The following NFKB1 variants were observed in gnomAD, a reference collection of about 807,000 sequenced individuals.
NFKB1 encodes nuclear factor kappa B subunit 1.
A neutral mutation model predicts 105.1 loss-of-function variants in NFKB1; 9 were observed. The observed-to-expected ratio is 0.09, with a 90% confidence interval of 0.05 to 0.15. NFKB1 has a LOEUF of 0.15. NFKB1 is among the 10% of genes least tolerant of loss of function. NFKB1 has a pLI of 1.00. For synonymous variants in NFKB1, 440 were observed against 442.2 expected (o/e 1.00, Z 0.06); for missense variants, 830 against 1,203.7 (o/e 0.69, Z 4.59).
chr4:102,582,757 A>G, intron 9 of NFKB1, 109 bp from the exon 10 acceptor site: 1 of 600,952 alleles, frequency 1.7e-6, no homozygotes, highest in South Asian at 3.3e-5. Context: ...GTTTTTTAAA[A>G]GTGTAAATAG....
chr4:102,514,174 CA>C (rs1001257754), intron 1 of NFKB1, among the ~76,000 whole-genome samples: 57 of 136,488 alleles, frequency 4.2e-4, no homozygotes, highest in African/African-American at 4.3e-4. Context: ...GACTCCATCT[CA>C]AAAAAAAAAA....
intron 4 of NFKB1, among the ~76,000 whole-genome samples, chr4:102,536,696 A>AC (rs1382300509): frequency 2.6e-5 from 4 of 152,008 alleles, no homozygotes; most frequent in African/African-American, 4.8e-5. Flanking sequence ...AAGGGAGTGA[A>AC]CCCCCACCAG....
At chr4:102,544,715 A>G (rs184294380) in intron 5 of NFKB1, among the ~76,000 whole-genome samples, 26 of 152,316 alleles carry the variant, frequency 1.7e-4, no homozygotes, top group African/African-American at 6.3e-4. Flanking sequence ...AATCCGCTGT[A>G]TATATTCAAA....
intron 4 of NFKB1, among the ~76,000 whole-genome samples, chr4:102,536,793 A>C (rs1262030620): frequency 6.6e-6 from 1 of 152,128 alleles, no homozygotes; most frequent in East Asian, 1.9e-4. Flanking sequence ...AAAGGTGAGA[A>C]TGTTCCTTAA....
At chr4:102,575,611 G>C (rs938206915) in intron 6 of NFKB1, among the ~76,000 whole-genome samples, 19 of 152,074 alleles carry the variant, frequency 1.2e-4, no homozygotes, top group Non-Finnish European at 2.8e-4. Context: ...CAGGAATTTT[G>C]TACTTACTGT....
intron 5 of NFKB1, among the ~76,000 whole-genome samples, chr4:102,545,790 A>G (rs1350022239): frequency 6.6e-6 from 1 of 152,148 alleles, no homozygotes; most frequent in Non-Finnish European, 1.5e-5. Context: ...CAATAATTCT[A>G]TGACAGTTTC....
chr4:102,542,633 T>C (rs1742080904), intron 5 of NFKB1, among the ~76,000 whole-genome samples: 1 of 152,210 alleles, frequency 6.6e-6, no homozygotes. Flanking sequence ...CCAAGATGTT[T>C]TTATATTTTT....
chr4:102,612,012 A>G (rs758193220), intron 20 of NFKB1, 32 bp from the exon 21 acceptor site: 3 of 1,585,516 alleles, frequency 1.9e-6, no homozygotes, highest in Non-Finnish European at 2.6e-6. Context: ...CCTTCGATGT[A>G]TAACGATTTC....
At chr4:102,506,712 G>A (rs1412180732) in intron 1 of NFKB1, among the ~76,000 whole-genome samples, 1 of 152,060 alleles carries the variant, frequency 6.6e-6, no homozygotes, top group African/African-American at 2.4e-5. Context: ...TGCCCCCTGG[G>A]AACCCTAATG....
intron 16 of NFKB1, among the ~76,000 whole-genome samples, chr4:102,602,849 G>T (rs1727315016): frequency 6.6e-6 from 1 of 152,108 alleles, no homozygotes; most frequent in Admixed American, 6.5e-5. Context: ...CCGTTTTGGG[G>T]TCATTGGTAT....
Position 102,529,886 on chromosome 4 carries a change from A to G in NFKB1, c.90A>G (p.Val30=). 1 of 1,610,816 alleles carries G rather than the reference A, an allele frequency of 6.2e-7. No homozygotes were observed. Among genetic ancestry groups the G allele is most frequent in the South Asian group, 1.1e-5 (1 of 90,792 alleles). Residue 30 remains valine (V), a synonymous_variant, in exon 3 of 24, where the codon GTA becomes GTG. Transcript: ENST00000226574. ...SLTHTIFNPE[V]FQPQMALPTA... is the part of the protein sequence containing the mutation. ...CTCATACAATATTTAATCCAGAAGT[A>G]TTTCAACCACAGATGGCACTGCCAA...
intron 11 of NFKB1, among the ~76,000 whole-genome samples, chr4:102,591,419 CAAA>C (rs59255093): frequency 1.1e-4 from 11 of 101,724 alleles, no homozygotes; most frequent in Non-Finnish European, 8.1e-5. Context: ...GACCCTGGCT[CAAA>C]AAAAAAAAAA....
chr4:102,590,003 G>A (rs549742702), intron 11 of NFKB1, among the ~76,000 whole-genome samples: 1 of 152,256 alleles, frequency 6.6e-6, no homozygotes, highest in South Asian at 2.1e-4. Context: ...GCAATCAGAA[G>A]TCTCAGAGGG....
chr4:102,586,469 G>A (rs917385209), intron 11 of NFKB1, among the ~76,000 whole-genome samples: 2 of 152,126 alleles, frequency 1.3e-5, no homozygotes, highest in African/African-American at 4.8e-5. Flanking sequence ...ACTCAAGAGA[G>A]GACAGGGTGA....
At chr4:102,577,708 C>A (rs907988947) in intron 7 of NFKB1, 60 of 416,970 alleles carry the variant, frequency 1.4e-4, no homozygotes, top group Non-Finnish European at 1.7e-4. Flanking sequence ...TATACTCCAT[C>A]TTCTGATACC....
intron 10 of NFKB1, among the ~76,000 whole-genome samples, chr4:102,583,182 T>G (rs2149190512): frequency 6.6e-6 from 1 of 152,226 alleles, no homozygotes; most frequent in South Asian, 2.1e-4. Context: ...GATGATGTCT[T>G]GCCATCTTGC....
At chr4:102,577,813 C>G in intron 7 of NFKB1, 6 of 985,568 alleles carry the variant, frequency 6.1e-6, no homozygotes, top group Non-Finnish European at 7.2e-6. Flanking sequence ...GCATTCCACA[C>G]TACATTCCAT....
At chr4:102,591,068 T>G (rs1039146612) in intron 11 of NFKB1, among the ~76,000 whole-genome samples, 11 of 151,990 alleles carry the variant, frequency 7.2e-5, no homozygotes, top group African/African-American at 2.7e-4. Flanking sequence ...TCATGAGGTT[T>G]AAAAAAGAAG....
Position 102,526,926 on chromosome 4 carries a change from G to A in NFKB1, c.39+1369G>A, listed in dbSNP as rs1029928384. ...CTTTTCTCTTTGCTCTCTTTTTCGT[G>A]TGTGTGTGTGTGTGTATATATGTAT... is the stretch of plus-strand genomic sequence containing the variant. On this transcript the variant is annotated intron_variant, in intron 2 of 23. Coordinates refer to ENST00000226574, the MANE Select transcript of NFKB1 (RefSeq NM_003998.4). Among the ~76,000 whole-genome samples, 8 of 71,252 alleles carry A rather than the reference G, an allele frequency of 1.1e-4. No homozygotes were observed. The East Asian group carries it at 1.5e-3, about 13-fold the overall frequency. 46.7% of individuals were successfully genotyped at this position (71,252 alleles called of 152,430 possible). A position where few individuals can be genotyped will look rare whatever the true frequency, so the allele number is the denominator to read the frequency against.
Sources: gnomAD v4.1 joint callset for allele counts (sites outside exome capture counted in the v4.1 genomes callset) on GRCh38, gnomAD v4.1.1 for gene constraint, MANE v1.5 for transcripts, NCBI Gene and HGNC (gene_info 2026-07-23, HGNC 2026-07-21) for gene names.